The following SNAP23 variants were observed in gnomAD, a reference collection of about 807,000 sequenced individuals.
The protein encoded by SNAP23 is synaptosome associated protein 23, also known as synaptosomal-associated protein 23.
A neutral mutation model predicts 29.0 loss-of-function variants in SNAP23; 11 were observed. The ratio of observed to expected loss-of-function variants is 0.38; its 90% CI spans 0.24 to 0.63. SNAP23 has a LOEUF of 0.63. Ranked by LOEUF, SNAP23 falls within the 20% of genes least tolerant of loss-of-function variation. SNAP23 has a pLI of 0.58. For synonymous variants in SNAP23, 60 were observed against 82.9 expected, an observed-to-expected ratio of 0.72 and a Z score of 1.50; for missense variants, 220 against 253.9, an observed-to-expected ratio of 0.87 and a Z score of 0.91.
chr15:42,511,760 T>A (rs1008407196), intron 1 of SNAP23, 73 bp from the exon 2 acceptor site: 2 of 827,260 alleles, frequency 2.4e-6, no homozygotes, highest in African/African-American at 1.8e-5. Flanking sequence ...AAATCTACAC[T>A]TTTTGCTCAC....
At chr15:42,494,205 TAC>T (rs918678396), upstream of SNAP23, among the ~76,000 whole-genome samples, 65 of 152,240 alleles carry the variant, frequency 4.3e-4, no homozygotes, top group African/African-American at 1.5e-3. Context: ...AAAAGCATTC[TAC>T]AACTTGTCCC....
chr15:42,499,383 C>G (rs1050659669), intron 1 of SNAP23, among the ~76,000 whole-genome samples: 1 of 152,178 alleles, frequency 6.6e-6, no homozygotes, highest in Non-Finnish European at 1.5e-5. Context: ...AAGGTCACAT[C>G]TTTTCTAATC....
intron 6 of SNAP23, among the ~76,000 whole-genome samples, chr15:42,529,281 A>G (rs1187694905): frequency 1.3e-5 from 2 of 152,200 alleles, no homozygotes; most frequent in Non-Finnish European, 2.9e-5. Context: ...GCTTCTTTAG[A>G]TAGACTTAAC....
In SNAP23 at chr15:42,531,490, T is replaced by C. The variant is rs1437033129; in HGVS notation, c.*12T>C. On this transcript the variant is annotated 3_prime_UTR_variant, in exon 8 of 8. Coordinates refer to ENST00000249647, the MANE Select transcript of SNAP23 (RefSeq NM_003825.4). ...TCATTGACAGCTAAAGCTACTGCTG[T>C]TCTTCTTTATCATTTATTCACTTCC... is the stretch of plus-strand genomic sequence containing the variant. The C allele has an allele frequency of 1.3e-6, 2 of 1,590,642 alleles. No homozygotes were observed. Among genetic ancestry groups the C allele is most frequent in the Non-Finnish European group, 1.7e-6 (2 of 1,166,582 alleles).
chr15:42,507,565 T>C (rs1198520456), intron 1 of SNAP23, among the ~76,000 whole-genome samples: 4 of 152,224 alleles, frequency 2.6e-5, no homozygotes, highest in African/African-American at 9.6e-5. Context: ...TTTAATGGCA[T>C]CTTTGTATCA....
chr15:42,521,652 G>C (rs1195316016), intron 5 of SNAP23: 1 of 1,450,888 alleles, frequency 6.9e-7, no homozygotes, highest in Non-Finnish European at 9.3e-7. Context: ...CTGATCAAAG[G>C]GAACTTTAAG....
intron 1 of SNAP23, among the ~76,000 whole-genome samples, chr15:42,505,954 AT>A (rs1383141757): frequency 1.6e-4 from 14 of 86,080 alleles, no homozygotes; most frequent in Non-Finnish European, 2.5e-5. Flanking sequence ...TTTCTTTTTT[AT>A]TTTTTTTGAG....
At chr15:42,530,065 G>A (rs183849456) in intron 7 of SNAP23, among the ~76,000 whole-genome samples, 1 of 152,288 alleles carries the variant, frequency 6.6e-6, no homozygotes, top group East Asian at 1.9e-4. Flanking sequence ...CACACATGAA[G>A]CTTAGTATCT....
At position 42,528,246 on chromosome 15, in the gene SNAP23, C is replaced by G; in HGVS notation, c.267-16C>G. The G allele has an allele frequency of 6.2e-7, 1 of 1,612,240 alleles. No homozygotes were observed. The highest frequency in any genetic ancestry group is 8.5e-7 in the Non-Finnish European group (1 of 1,178,444). On this transcript the variant is annotated splice_polypyrimidine_tract_variant and intron_variant, in intron 5 of 7. Coordinates refer to ENST00000249647, the MANE Select transcript of SNAP23 (RefSeq NM_003825.4). Reference sequence around the variant, plus strand: ...CTTTTTTTTGGTATCTCCCTACACTCCTGACTCTTATATAGAACAAAGAAC... The same window carrying G: ...CTTTTTTTTGGTATCTCCCTACACTGCTGACTCTTATATAGAACAAAGAAC...
intron 5 of SNAP23, among the ~76,000 whole-genome samples, chr15:42,521,249 T>A (rs998356605): frequency 6.6e-6 from 1 of 152,178 alleles, no homozygotes; most frequent in Non-Finnish European, 1.5e-5. Context: ...TGAAAAAATA[T>A]ATAAGAAAAT....
chr15:42,501,068 T>C (rs2057265824), intron 1 of SNAP23, among the ~76,000 whole-genome samples: 1 of 152,160 alleles, frequency 6.6e-6, no homozygotes. Context: ...AAGCCAGGTG[T>C]GGTGGTGTGT....
At chr15:42,510,965 CTG>C (rs2057354485) in intron 1 of SNAP23, among the ~76,000 whole-genome samples, 1 of 152,124 alleles carries the variant, frequency 6.6e-6, no homozygotes, top group African/African-American at 2.4e-5. Flanking sequence ...CAGAGTTTAT[CTG>C]TGTCATTGAC....
At chr15:42,511,976 T>C (rs1007839662) in intron 2 of SNAP23, 73 bp downstream of exon 2, 1 of 1,011,174 alleles carries the variant, frequency 9.9e-7, no homozygotes, top group Non-Finnish European at 1.5e-6. Context: ...AGAGCCTTCT[T>C]AGGGACATTT....
intron 1 of SNAP23, among the ~76,000 whole-genome samples, chr15:42,500,107 GAA>G (rs985801410): frequency 6.6e-6 from 1 of 152,022 alleles, no homozygotes; most frequent in Non-Finnish European, 1.5e-5. Context: ...TAACAAAAAG[GAA>G]AAAGAGGATG....
chr15:42,507,738 A>G (rs2057326616), intron 1 of SNAP23, among the ~76,000 whole-genome samples: 1 of 152,204 alleles, frequency 6.6e-6, no homozygotes, highest in Non-Finnish European at 1.5e-5. Context: ...CGTCTCAGCA[A>G]ACTTACAAAG....
intron 3 of SNAP23, 78 bp from the exon 4 acceptor site, chr15:42,513,321 G>T: frequency 1.6e-6 from 2 of 1,273,162 alleles, no homozygotes; most frequent in Non-Finnish European, 2.3e-6. Context: ...AAATTATTCT[G>T]TGTTGCTCTT....
intron 6 of SNAP23, among the ~76,000 whole-genome samples, chr15:42,528,649 G>GA (rs368031321): frequency 4.7e-4 from 72 of 152,230 alleles, no homozygotes; most frequent in African/African-American, 1.7e-3. Context: ...GCAGTGGCGT[G>GA]ATCTCAGCTC....
chr15:42,492,055 C>G (rs2057170912), upstream of SNAP23, among the ~76,000 whole-genome samples: 1 of 151,908 alleles, frequency 6.6e-6, no homozygotes, highest in African/African-American at 2.4e-5. Context: ...GAATTACAGA[C>G]GTGCACTACC....
At chr15:42,524,378 C>G (rs920420757) in intron 5 of SNAP23, among the ~76,000 whole-genome samples, 13 of 152,176 alleles carry the variant, frequency 8.5e-5, no homozygotes, top group African/African-American at 2.9e-4. Context: ...CTCAACCCCC[C>G]CAGCCATGGA....
Sources: gnomAD v4.1 joint callset for allele counts (sites outside exome capture counted in the v4.1 genomes callset) on GRCh38, gnomAD v4.1.1 for gene constraint, MANE v1.5 for transcripts, NCBI Gene and HGNC (gene_info 2026-07-23, HGNC 2026-07-21) for gene names.